Variants in SEC22A observed in about 807,000 individuals in gnomAD.
SEC22A encodes the protein vesicle-trafficking protein SEC22a.
A neutral mutation model predicts 35.3 loss-of-function variants in SEC22A; 22 were observed. The observed-to-expected ratio is 0.62, with a 90% CI of 0.45 to 0.89. The LOEUF is 0.89. Ranked by LOEUF, SEC22A falls within the 40% of genes least tolerant of loss-of-function variation. SEC22A has a pLI of 0.00. For synonymous variants in SEC22A, 119 were observed against 129.5 expected (o/e 0.92, Z 0.55); for missense variants, 354 against 362.5 (o/e 0.98, Z 0.19).
intron 4 of SEC22A, among the ~76,000 whole-genome samples, chr3:123,238,419 A>C (rs999435082): frequency 6.6e-6 from 1 of 152,088 alleles, no homozygotes; most frequent in Non-Finnish European, 1.5e-5. Flanking sequence ...GCTGGCCTCG[A>C]ACTCCTGACC....
intron 2 of SEC22A, among the ~76,000 whole-genome samples, chr3:123,219,851 A>G (rs934416130): frequency 3.9e-5 from 6 of 152,204 alleles, no homozygotes; most frequent in African/African-American, 9.6e-5. Flanking sequence ...GAGTATTTCA[A>G]TCTGTCCCAT....
At chr3:123,263,473 G>A (rs1034505489) in intron 6 of SEC22A, among the ~76,000 whole-genome samples, 1 of 152,182 alleles carries the variant, frequency 6.6e-6, no homozygotes, top group African/African-American at 2.4e-5. Context: ...ATCACATTAG[G>A]GATTAAGGGC....
At chr3:123,218,454 G>T (rs537981788) in intron 2 of SEC22A, among the ~76,000 whole-genome samples, 1 of 152,078 alleles carries the variant, frequency 6.6e-6, no homozygotes, top group Non-Finnish European at 1.5e-5. Context: ...AGGAGAGAGT[G>T]TGTGTTTGTA....
intron 4 of SEC22A, among the ~76,000 whole-genome samples, chr3:123,230,787 G>A (rs536747961): frequency 6.7e-6 from 1 of 148,992 alleles, no homozygotes; most frequent in Admixed American, 6.7e-5. Context: ...AATGGCAGAT[G>A]TAAATCTATA....
At chr3:123,213,722 T>C (rs191742370) in intron 2 of SEC22A, among the ~76,000 whole-genome samples, 70 of 152,350 alleles carry the variant, frequency 4.6e-4, no homozygotes, top group African/African-American at 1.6e-3. Context: ...CATTGTGGTT[T>C]TCAAATTTGT....
intron 4 of SEC22A, among the ~76,000 whole-genome samples, chr3:123,243,000 T>TCA (rs2108073890): frequency 6.6e-6 from 1 of 152,260 alleles, no homozygotes; most frequent in East Asian, 1.9e-4. Flanking sequence ...GGTTCCCCAT[T>TCA]GTCTAATTTT....
intron 5 of SEC22A, among the ~76,000 whole-genome samples, chr3:123,256,734 G>A (rs1218317307): frequency 6.6e-6 from 1 of 150,796 alleles, no homozygotes; most frequent in Non-Finnish European, 1.5e-5. Flanking sequence ...AAGTTGGTGT[G>A]GACTTAACTC....
At chr3:123,246,129 A>T (rs986500319) in intron 5 of SEC22A, 115 bp downstream of exon 5, 36 of 603,300 alleles carry the variant, frequency 6.0e-5, no homozygotes, top group Admixed American at 1.6e-4. Context: ...CTCAAAATCT[A>T]TGTTTTTTTA....
rs779762545 is a variant in SEC22A, at chr3:123,271,905, G to A, written c.*183G>A. On this transcript the variant is annotated 3_prime_UTR_variant, in exon 7 of 7. Transcript: ENST00000492595. Reference sequence around the variant, plus strand: ...CATGGAAGAGTCCTCTCAGAAGAATGTTGGCCATGAGACTATCATTCAGAG... The same window carrying A: ...CATGGAAGAGTCCTCTCAGAAGAATATTGGCCATGAGACTATCATTCAGAG... The A allele has an allele frequency of 1.7e-6, 1 of 589,502 alleles. No individual in the cohort carries two copies. Among genetic ancestry groups the A allele is most frequent in the African/African-American group, 1.9e-5 (1 of 51,370 alleles). 36.5% of individuals were successfully genotyped at this position (589,502 alleles called of 1,614,324 possible).
chr3:123,231,484 A>G (rs1017785747), intron 4 of SEC22A, among the ~76,000 whole-genome samples: 2 of 152,226 alleles, frequency 1.3e-5, no homozygotes, highest in African/African-American at 2.4e-5. Flanking sequence ...TATGTTCTCC[A>G]GCTACATTAG....
At position 123,271,602 on chromosome 3, in the gene SEC22A, GTATC is replaced by G. The variant is rs1938162748; in HGVS notation, c.806_809del (p.Tyr269SerfsTer14). 6.2e-7 allele frequency: 1 copy of G among 1,614,034 alleles called. No individual in the cohort carries two copies. Among genetic ancestry groups the G allele is most frequent in the Admixed American group, 1.7e-5 (1 of 60,004 alleles). On this transcript the variant is annotated frameshift_variant, in exon 7 of 7. Coordinates refer to ENST00000492595, the MANE Select transcript of SEC22A (RefSeq NM_012430.5). LOFTEE classifies it high-confidence loss of function. ...TTGGCTTAATCTGTCTATGCAACAT[GTATC>G]TCTATGAACTGCGCAACCTCTGGCA...
intron 4 of SEC22A, among the ~76,000 whole-genome samples, chr3:123,227,936 G>A (rs1432967523): frequency 4.8e-5 from 7 of 146,414 alleles, no homozygotes; most frequent in African/African-American, 1.3e-4. Context: ...GTGACAAAGC[G>A]AGCTCCATCA....
intron 2 of SEC22A, among the ~76,000 whole-genome samples, chr3:123,219,880 AT>A (rs1357297151): frequency 6.6e-6 from 1 of 152,084 alleles, no homozygotes; most frequent in Non-Finnish European, 1.5e-5. Context: ...AAAAAGCAGA[AT>A]TTTTTTCATC....
chr3:123,253,964 T>TATAA (rs537060954), intron 5 of SEC22A, among the ~76,000 whole-genome samples: 3 of 151,734 alleles, frequency 2.0e-5, no homozygotes, highest in Admixed American at 2.0e-4. Flanking sequence ...ATAAAAAAGT[T>TATAA]ATAAATAAAT....
intron 1 of SEC22A, 132 bp from the exon 2 acceptor site, chr3:123,209,067 A>T: frequency 1.5e-6 from 1 of 651,630 alleles, no homozygotes; most frequent in Non-Finnish European, 2.7e-6. Flanking sequence ...TGCTGGGATT[A>T]CAGGTGTGAG....
At chr3:123,218,763 A>G (rs1012345647) in intron 2 of SEC22A, among the ~76,000 whole-genome samples, 1 of 152,188 alleles carries the variant, frequency 6.6e-6, no homozygotes, top group Non-Finnish European at 1.5e-5. Context: ...TTACTGGTGC[A>G]TGATATACTC....
At chr3:123,225,922 T>G (rs886206240) in intron 4 of SEC22A, among the ~76,000 whole-genome samples, 11 of 145,834 alleles carry the variant, frequency 7.5e-5, no homozygotes, top group Non-Finnish European at 1.5e-4. Flanking sequence ...AAACTTTAGC[T>G]CCCACAAATG....
chr3:123,221,496 A>G (rs974290042), intron 2 of SEC22A, among the ~76,000 whole-genome samples: 1 of 137,894 alleles, frequency 7.3e-6, no homozygotes, highest in African/African-American at 2.6e-5. Flanking sequence ...AAAAAAAAAG[A>G]TTACTGTGTA....
chr3:123,270,179 CAA>C (rs1417576903), intron 6 of SEC22A, among the ~76,000 whole-genome samples: 1 of 152,114 alleles, frequency 6.6e-6, no homozygotes, highest in Non-Finnish European at 1.5e-5. Context: ...ATACAGTAAA[CAA>C]AGCGTATACA....
Sources: gnomAD v4.1 joint callset for allele counts (sites outside exome capture counted in the v4.1 genomes callset) on GRCh38, gnomAD v4.1.1 for gene constraint, MANE v1.5 for transcripts, NCBI Gene and HGNC (gene_info 2026-07-23, HGNC 2026-07-21) for gene names.